NOL8: variants seen among roughly 807,000 people sequenced by gnomAD.
NOL8 encodes nucleolar protein Nop132.
Under a neutral mutation model 116.1 loss-of-function variants are expected in NOL8, and 93 were observed. The ratio of observed to expected loss-of-function variants is 0.80; its 90% CI spans 0.68 to 0.95. The LOEUF (loss-of-function observed/expected upper bound fraction) is 0.95. Among genes scored for constraint, NOL8 ranks in the 40% least tolerant of loss-of-function variants. NOL8 has a pLI of 0.00. For synonymous variants in NOL8, 419 were observed against 469.0 expected (o/e 0.89, Z 1.38); for missense variants, 1,291 against 1,382.8 (o/e 0.93, Z 1.05).
chr9:92,311,804 G>T (rs1392934439), intron 7 of NOL8, among the ~76,000 whole-genome samples: 3 of 152,196 alleles, frequency 2.0e-5, no homozygotes, highest in Non-Finnish European at 4.4e-5. Context: ...ATTTCTCAAA[G>T]AACTTAAAAC....
rs969787762 is a variant in NOL8 at position 92,305,944 on chromosome 9, A to C, written c.2826-114T>G. The C allele has an allele frequency of 2.5e-4, 170 of 683,366 alleles. 1 individual carries two copies. The highest frequency in any genetic ancestry group is 7.9e-4 in the Middle Eastern group (2 of 2,534). 42.3% of individuals were successfully genotyped at this position (683,366 alleles called of 1,614,324 possible). A position where few individuals can be genotyped will look rare whatever the true frequency, so the allele number is the denominator to read the frequency against. ...AAGATTCTAATTTTGCAGCAAGAAG[A>C]AGCCATATAACATCAGATAAGATAA... On this transcript the variant is annotated intron_variant, in intron 11 of 16. Transcript: ENST00000442668.
rs1250179026 is a variant in NOL8, at chr9:92,305,763, G to A, written c.2893C>T (p.Pro965Ser). The A allele has an allele frequency of 1.2e-6, 2 of 1,605,876 alleles. No individual in the cohort carries two copies. Among genetic ancestry groups the A allele is most frequent in the African/African-American group, 1.3e-5 (1 of 74,502 alleles). The change falls in exon 12 of 17, where the codon CCA (proline) becomes TCA (serine). Residue 965 changes from proline (P) to serine (S), a missense_variant. By Grantham distance (74) the Pro-to-Ser change is moderately conservative. Transcript: ENST00000442668. Reference sequence around the variant, plus strand: ...AGTAGCTCTACTTACCTTTCTTTTGGCTTATCATCTCTTTTTCTTTCGTAA... The same window carrying A: ...AGTAGCTCTACTTACCTTTCTTTTGACTTATCATCTCTTTTTCTTTCGTAA... ...ATYERKRDDK[P>S]KESKAKRKKK... is the part of the protein sequence containing the mutation.
At chr9:92,305,431 T>G (rs1157275736) in intron 12 of NOL8, among the ~76,000 whole-genome samples, 1 of 152,166 alleles carries the variant, frequency 6.6e-6, no homozygotes, top group Non-Finnish European at 1.5e-5. Context: ...TGTAAAGAAA[T>G]AATTTTTGTG....
intron 3 of NOL8, among the ~76,000 whole-genome samples, chr9:92,322,493 A>G (rs1840009160): frequency 6.6e-6 from 1 of 152,132 alleles, no homozygotes; most frequent in African/African-American, 2.4e-5. Flanking sequence ...AGTAGCTGGG[A>G]TTACAGGTGT....
chr9:92,324,279 C>T (rs1438411759), intron 1 of NOL8, 70 bp from the exon 2 acceptor site: 4 of 1,158,272 alleles, frequency 3.5e-6, no homozygotes, highest in African/African-American at 3.1e-5. Flanking sequence ...TCCTCTGAAC[C>T]TTCTGTATCA....
intron 3 of NOL8, chr9:92,323,211 GA>G (rs1221149044): frequency 5.0e-6 from 6 of 1,195,286 alleles, no homozygotes; most frequent in Non-Finnish European, 6.7e-6. Context: ...AAATATTTGA[GA>G]ATAGCAGTTT....
intron 13 of NOL8, 153 bp from the exon 14 acceptor site, chr9:92,300,169 TATC>T: frequency 7.6e-7 from 1 of 1,318,880 alleles, no homozygotes; most frequent in Non-Finnish European, 9.7e-7. Context: ...AAATAGGTAG[TATC>T]ATCTTTTTAG....
intron 1 of NOL8, 190 bp downstream of exon 1, chr9:92,325,116 C>T (rs1840352425): frequency 6.6e-6 from 1 of 152,186 alleles, no homozygotes; most frequent in Non-Finnish European, 1.5e-5. Flanking sequence ...CAGACTCTTT[C>T]CAGAAGAGAC....
chr9:92,305,578 A>C (rs749657056), intron 12 of NOL8, among the ~76,000 whole-genome samples, 175 bp downstream of exon 12: 36 of 152,048 alleles, frequency 2.4e-4, no homozygotes, highest in Non-Finnish European at 4.7e-4. Flanking sequence ...AAAAGGTAAG[A>C]CCTCCTCCAC....
Position 92,324,017 on chromosome 9 carries a change from A to C in NOL8, c.139+6T>G. On this transcript the variant is annotated splice_donor_region_variant and intron_variant, in intron 2 of 16. Coordinates refer to ENST00000442668, the MANE Select transcript of NOL8 (RefSeq NM_017948.6). ...TATAACTGCCCAGTGAAGGACCATA[A>C]ATTACCTTGGTCATCTTTCCGTGTG... 1 of 1,613,770 alleles carries C rather than the reference A, an allele frequency of 6.2e-7. No homozygotes were observed. The highest frequency in any genetic ancestry group is 2.2e-5 in the East Asian group (1 of 44,878).
In NOL8 at chr9:92,299,900, A is replaced by C. The variant is rs747030264; in HGVS notation, c.3292T>G (p.Ser1098Ala). 1 of 1,613,268 alleles carries C rather than the reference A, an allele frequency of 6.2e-7. No individual in the cohort carries two copies. The highest frequency in any genetic ancestry group is 1.3e-5 in the African/African-American group (1 of 74,900). ...AAACAAATTGTTTACCCAGGACTGGAGTTTCTGTGATCTGTTTCTTCAGTA... is the reference window on the plus strand; with the variant it reads ...AAACAAATTGTTTACCCAGGACTGGCGTTTCTGTGATCTGTTTCTTCAGTA... ...DVTEETDHRN[S>A]SPGEASLLEK... The change falls in exon 14 of 17, where the codon TCC becomes GCC. Residue 1098 changes from serine (S) to alanine (A), a missense_variant. Physicochemically the swap from Ser to Ala is moderately conservative, Grantham distance 99 (BLOSUM62 1). Coordinates refer to ENST00000442668, the MANE Select transcript of NOL8 (RefSeq NM_017948.6).
At chr9:92,299,764 T>C in intron 14 of NOL8, 126 bp downstream of exon 14, 3 of 986,972 alleles carry the variant, frequency 3.0e-6, no homozygotes, top group Non-Finnish European at 4.3e-6. Context: ...AAAAAAAAAA[T>C]AAAATAAAAA....
chr9:92,315,956 C>T lies in NOL8; in HGVS notation c.669G>A (p.Val223=). The stretch of plus-strand genomic sequence containing the variant: ...ACCCAGTGGAACTCTCATCCTTCTG[C>T]ACTTTTATTATCTTCTTGGGAGGGC... ...FHGPPKKIIK[V]QKDESSTGSL... Residue 223 remains valine, a synonymous_variant, in exon 7 of 17, where the codon GTG becomes GTA. Coordinates refer to ENST00000442668, the MANE Select transcript of NOL8 (RefSeq NM_017948.6). 6.2e-7 allele frequency: 1 copy of T among 1,613,918 alleles called. No individual in the cohort carries two copies. The highest frequency in any genetic ancestry group is 8.5e-7 in the Non-Finnish European group (1 of 1,179,872).
At chr9:92,309,281 ACT>A (rs1257755381) in intron 10 of NOL8, among the ~76,000 whole-genome samples, 4 of 152,264 alleles carry the variant, frequency 2.6e-5, no homozygotes, top group African/African-American at 9.6e-5. Flanking sequence ...GATGTAATTT[ACT>A]TTTTCACTTC....
At chr9:92,301,404 G>T in intron 13 of NOL8, 147 bp downstream of exon 13, 1 of 636,658 alleles carries the variant, frequency 1.6e-6, no homozygotes, top group Non-Finnish European at 2.5e-6. Flanking sequence ...TCGTGTTTAT[G>T]CTCCTGTGAC....
rs1457981430 is a variant in NOL8 at position 92,314,623 on chromosome 9, TTC to T, written c.2000_2001del (p.Arg667LysfsTer2). 4 of 1,613,004 alleles carry T rather than the reference TTC, an allele frequency of 2.5e-6. No homozygotes were observed. The highest frequency in any genetic ancestry group is 3.4e-6 in the Non-Finnish European group (4 of 1,179,368). On this transcript the variant is annotated frameshift_variant, in exon 7 of 17. Transcript: ENST00000442668. LOFTEE classifies it high-confidence loss of function. Reference protein sequence around the residue: ...KAVSPSSSEKRSKNPISRPLE... With the variant: ...KAVSPSSSEKXSKNPISRPLE... ...AATGGCCTAGAAATAGGATTCTTACTTCTCTTTTCAGAACTGCTAGGGGACAC... is the reference window on the plus strand; with the variant it reads ...AATGGCCTAGAAATAGGATTCTTACTTCTTTTCAGAACTGCTAGGGGACAC...
chr9:92,319,062 G>C, intron 5 of NOL8, 159 bp downstream of exon 5: 1 of 701,500 alleles, frequency 1.4e-6, no homozygotes, highest in Middle Eastern at 4.0e-4. Flanking sequence ...CCTAAGAGTT[G>C]TAAATGCACC....
intron 3 of NOL8, chr9:92,323,215 A>G (rs1588011313): frequency 2.5e-6 from 3 of 1,221,948 alleles, no homozygotes; most frequent in Admixed American, 3.0e-5. Flanking sequence ...ATTTGAGAAT[A>G]GCAGTTTTAA....
chr9:92,315,520 T>C lies in NOL8; in HGVS notation c.1105A>G (p.Ile369Val), dbSNP rs529210833. 4.4e-5 allele frequency: 71 copies of C among 1,611,402 alleles called. No individual in the cohort carries two copies. The East Asian group carries it at 6.5e-4, about 15-fold the overall frequency. ...RVSCHDSDDD[I>V]MRNDREYDSG... ...TCATACTCACGATCATTTCTCATAATATCATCATCACTATCATGGCAAGAG... is the reference window on the plus strand; with the variant it reads ...TCATACTCACGATCATTTCTCATAACATCATCATCACTATCATGGCAAGAG... Residue 369 changes from isoleucine to valine, a missense_variant, in exon 7 of 17, where the codon ATT becomes GTT. Physicochemically the swap from Ile to Val is conservative, Grantham distance 29. Coordinates refer to ENST00000442668, the MANE Select transcript of NOL8 (RefSeq NM_017948.6).
Sources: allele counts gnomAD v4.1 joint callset (sites outside exome capture counted in the v4.1 genomes callset), GRCh38; gene constraint gnomAD v4.1.1; transcripts MANE v1.5; gene names NCBI Gene and HGNC (gene_info 2026-07-23, HGNC 2026-07-21).